The following TNRC6B variants were observed in gnomAD, a reference collection of about 807,000 sequenced individuals.
The protein encoded by TNRC6B is trinucleotide repeat-containing gene 6B protein.
A neutral mutation model predicts 203.6 loss-of-function variants in TNRC6B; 52 were observed. The observed-to-expected ratio is 0.26, with a 90% CI of 0.20 to 0.32. TNRC6B has a LOEUF of 0.32. Ranked by LOEUF, TNRC6B falls within the 10% of genes least tolerant of loss-of-function variation. TNRC6B has a pLI of 1.00. For missense variants in TNRC6B, 1,923 were observed against 2,286.2 expected (o/e 0.84, Z 3.24); for synonymous variants, 838 against 845.7 (o/e 0.99, Z 0.16).
At chr22:40,053,596 G>A (rs1601786508) in intron 1 of TNRC6B, among the ~76,000 whole-genome samples, 1 of 152,264 alleles carries the variant, frequency 6.6e-6, no homozygotes, top group South Asian at 2.1e-4. Context: ...ATTATATCAT[G>A]TTTCTTAATC....
intron 1 of TNRC6B, among the ~76,000 whole-genome samples, chr22:40,088,584 T>TTGTTTGTGTG (rs2068120654): frequency 8.0e-6 from 1 of 125,136 alleles, no homozygotes; most frequent in East Asian, 2.4e-4. Context: ...GCGGCTACTT[T>TTGTTTGTGTG]TGTGTGTGTG....
chr22:40,250,403 C>G (rs1432528708), intron 2 of TNRC6B, among the ~76,000 whole-genome samples: 4 of 152,152 alleles, frequency 2.6e-5, no homozygotes, highest in African/African-American at 9.7e-5. Context: ...TTCAGCCTGT[C>G]CAGCCTTCTA....
At chr22:40,153,746 G>A (rs1029241438) in intron 3 of TNRC6B, among the ~76,000 whole-genome samples, 1 of 151,730 alleles carries the variant, frequency 6.6e-6, no homozygotes, top group Admixed American at 6.6e-5. Flanking sequence ...AAGGGAGGAT[G>A]GAGGCTTATG....
chr22:40,099,833 C>T (rs909057427), intron 1 of TNRC6B, among the ~76,000 whole-genome samples: 3 of 152,130 alleles, frequency 2.0e-5, no homozygotes, highest in Admixed American at 2.0e-4. Flanking sequence ...TCACTACAAG[C>T]TCCGCCTCTC....
At chr22:40,106,421 A>G in intron 1 of TNRC6B, 1 of 971,910 alleles carries the variant, frequency 1.0e-6, no homozygotes, top group Non-Finnish European at 1.6e-6. Context: ...TGCCTCATGG[A>G]GAAGATAATT....
intron 1 of TNRC6B, among the ~76,000 whole-genome samples, chr22:40,080,781 G>A: frequency 6.6e-6 from 1 of 151,304 alleles, no homozygotes; most frequent in East Asian, 1.9e-4. Flanking sequence ...AGGCTGCAAA[G>A]AACCTGCCTC....
At chr22:40,126,616 G>C (rs1330848704) in intron 3 of TNRC6B, among the ~76,000 whole-genome samples, 1 of 120,320 alleles carries the variant, frequency 8.3e-6, no homozygotes, top group Admixed American at 8.9e-5. Flanking sequence ...TTTTAGACTG[G>C]GCCTGGCTCT....
chr22:40,174,102 T>A (rs2069033050), upstream of TNRC6B, among the ~76,000 whole-genome samples: 1 of 151,586 alleles, frequency 6.6e-6, no homozygotes, highest in Non-Finnish European at 1.5e-5. Flanking sequence ...CCCAGCCTTT[T>A]TCTAGATTTT....
At position 40,266,086 on chromosome 22, in the gene TNRC6B, C is replaced by T. The variant is rs1601470089; in HGVS notation, c.1856C>T (p.Ser619Leu). ...ACTGATTTGGACCCCAGGGTGCTCTCAAACACTGGCTGGGGCCAAACTCAA... is the reference window on the plus strand; with the variant it reads ...ACTGATTTGGACCCCAGGGTGCTCTTAAACACTGGCTGGGGCCAAACTCAA... The part of the protein sequence containing the change: ...SRTDLDPRVL[S>L]NTGWGQTQIK... Residue 619 changes from serine (S) to leucine (L), a missense_variant, in exon 5 of 23, where the codon TCA becomes TTA. This residue lies in a region of TNRC6B where 38 missense variants were observed against 70.3 expected (regional missense o/e 0.54). Coordinates refer to ENST00000454349, the MANE Select transcript of TNRC6B (RefSeq NM_001162501.2). 6.2e-7 allele frequency: 1 copy of T among 1,613,806 alleles called. No homozygotes were observed. The highest frequency in any genetic ancestry group is 2.2e-5 in the East Asian group (1 of 44,884).
At chr22:40,166,465 A>G (rs1235392317) in intron 4 of TNRC6B, among the ~76,000 whole-genome samples, 1 of 148,884 alleles carries the variant, frequency 6.7e-6, no homozygotes, top group Non-Finnish European at 1.5e-5. Context: ...CTCTTTGATC[A>G]TCCCTCCCTA....
intron 1 of TNRC6B, among the ~76,000 whole-genome samples, chr22:40,052,517 C>G (rs1181354349): frequency 7.7e-6 from 1 of 130,020 alleles, no homozygotes; most frequent in Non-Finnish European, 1.5e-5. Context: ...AGTGCAGTGG[C>G]ATAAACATGG....
At chr22:40,214,394 C>A (rs8138982) in intron 1 of TNRC6B, among the ~76,000 whole-genome samples, 64,039 of 151,980 alleles carry the variant, frequency 0.42, 17,643 homozygotes, top group African/African-American at 0.78. Context: ...GAGAGCCTGT[C>A]AAACTGGTGA....
intron 3 of TNRC6B, among the ~76,000 whole-genome samples, chr22:40,130,688 C>T (rs1328136108): frequency 8.1e-6 from 1 of 124,018 alleles, no homozygotes; most frequent in African/African-American, 4.4e-5. Flanking sequence ...GAGGCTGAGG[C>T]AGGAAAATGG....
Position 40,266,458 on chromosome 22 carries a change from C to G in TNRC6B, c.2228C>G (p.Ser743Cys). 1 of 1,613,686 alleles carries G rather than the reference C, an allele frequency of 6.2e-7. No individual in the cohort carries two copies. Among genetic ancestry groups the G allele is most frequent in the Non-Finnish European group, 8.5e-7 (1 of 1,179,788 alleles). Residue 743 changes from serine (S) to cysteine (C), a missense_variant, in exon 5 of 23, where the codon TCT becomes TGT. This residue lies in a region of TNRC6B where 599 missense variants were observed against 656.5 expected (regional missense o/e 0.91). Coordinates refer to ENST00000454349, the MANE Select transcript of TNRC6B (RefSeq NM_001162501.2). ...GGACGCCAGCCCAATCAAGGATGGT[C>G]TTCTGGAAAGAATGGTTGGGGGGAG... is the stretch of plus-strand genomic sequence containing the variant. ...GGGRQPNQGW[S>C]SGKNGWGEEV... is the part of the protein sequence containing the mutation.
rs930932076 is a variant in TNRC6B at position 40,133,983 on chromosome 22, A to C, written c.45+8121A>C. On this transcript the variant is annotated intron_variant, in intron 3 of 23. Coordinates refer to the TNRC6B transcript ENST00000301923. ...AAAGCTCCGTCTCAAAAAAAAAAAA[A>C]AAAAAAAAAAAAAACAGGTAATATG... is the stretch of plus-strand genomic sequence containing the variant. Among the ~76,000 whole-genome samples the C allele has an allele frequency of 8.6e-5, 13 of 151,146 alleles. 1 individual carries two copies. The highest frequency in any genetic ancestry group is 1.2e-4 in the African/African-American group (5 of 41,272).
chr22:40,210,662 A>C (rs2069549516), intron 1 of TNRC6B, among the ~76,000 whole-genome samples: 1 of 152,234 alleles, frequency 6.6e-6, no homozygotes, highest in South Asian at 2.1e-4. Flanking sequence ...TAGGGCTTAA[A>C]TAAAGACTGG....
chr22:40,239,706 G>A (rs956181795), intron 1 of TNRC6B, among the ~76,000 whole-genome samples: 1 of 152,194 alleles, frequency 6.6e-6, no homozygotes, highest in Admixed American at 6.5e-5. Flanking sequence ...GGAGGGTTCA[G>A]TTCTGGGATG....
In TNRC6B at chr22:40,312,553, A is replaced by T. The variant is rs770060738; in HGVS notation, c.4484A>T (p.Glu1495Val). The change falls in exon 18 of 23, where the codon GAA (glutamate) becomes GTA (valine). Residue 1495 changes from glutamate to valine, a missense_variant. Transcript: ENST00000454349. ...PWKGIQNIDP[E>V]SDPYVTPGSV... ...AAAGGTATCCAAAACATTGACCCTGAATCTGACCCCTATGTCACCCCAGGA... is the reference window on the plus strand; with the variant it reads ...AAAGGTATCCAAAACATTGACCCTGTATCTGACCCCTATGTCACCCCAGGA... 2 of 1,613,920 alleles carry T rather than the reference A, an allele frequency of 1.2e-6. No individual in the cohort carries two copies. The highest frequency in any genetic ancestry group is 2.2e-5 in the East Asian group (1 of 44,898).
At chr22:40,229,580 C>T (rs2069839261) in intron 1 of TNRC6B, among the ~76,000 whole-genome samples, 1 of 152,116 alleles carries the variant, frequency 6.6e-6, no homozygotes, top group African/African-American at 2.4e-5. Flanking sequence ...CCTCTGTCTC[C>T]TCTTGCCCAT....
Sources: allele counts gnomAD v4.1 joint callset (sites outside exome capture counted in the v4.1 genomes callset), GRCh38; gene constraint gnomAD v4.1.1; regional missense constraint gnomAD v4.1.1; transcripts MANE v1.5; gene names NCBI Gene and HGNC (gene_info 2026-07-23, HGNC 2026-07-21).